The following POLR2F variants were observed in gnomAD, a reference collection of about 807,000 sequenced individuals.
POLR2F encodes the protein DNA-directed RNA polymerases I, II, and III subunit RPABC2.
POLR2F carries 12 observed loss-of-function variants against 22.7 expected under a neutral mutation model. That is an observed-to-expected ratio of 0.53 (90% CI 0.34 to 0.86). POLR2F has a LOEUF of 0.86. POLR2F is among the 40% of genes least tolerant of loss of function. The pLI, the probability that POLR2F is intolerant of heterozygous loss-of-function variation, is 0.02. For synonymous variants in POLR2F, 57 were observed against 66.0 expected (o/e 0.86, Z 0.66); for missense variants, 126 against 171.5 (o/e 0.73, Z 1.48).
At chr22:37,977,808 C>T (rs1340852366) in intron 4 of POLR2F, 4 of 1,549,702 alleles carry the variant, frequency 2.6e-6, no homozygotes, top group East Asian at 2.3e-5. Context: ...GCCATCCAGC[C>T]ATCTCCTGTC....
At chr22:38,031,010 A>T (rs1433627128), downstream of POLR2F, among the ~76,000 whole-genome samples, 3 of 151,936 alleles carry the variant, frequency 2.0e-5, no homozygotes, top group African/African-American at 7.3e-5. This position sits in a 1 kb window ranked among gnomAD's most constrained non-coding sequence, Gnocchi z 4.1. Flanking sequence ...GGCAAGAGGT[A>T]AGGAAGCAGG....
Position 38,008,748 on chromosome 22 carries a change from C to T in POLR2F, c.121-17121C>T, listed in dbSNP as rs1293291318. On this transcript the variant is annotated intron_variant, in intron 1 of 2. Coordinates refer to the POLR2F transcript ENST00000333418. ...AGGCTTGCGCCTGTAATCCCAGCTA[C>T]TAGGGAGGTTGAGGTGGGAGAATCG... is the stretch of plus-strand genomic sequence containing the variant. 2.6e-5 allele frequency among the ~76,000 whole-genome samples: 4 copies of T among 150,996 alleles called. No individual in the cohort carries two copies. The East Asian group carries it at 7.8e-4, about 29-fold the overall frequency.
chr22:37,995,658 G>T (rs2084705806), intron 1 of POLR2F, among the ~76,000 whole-genome samples: 1 of 152,096 alleles, frequency 6.6e-6, no homozygotes, highest in Admixed American at 6.6e-5. Flanking sequence ...TGAATGAGTG[G>T]TGAGGACAGA....
chr22:37,961,498 C>T (rs1931639824), intron 3 of POLR2F, among the ~76,000 whole-genome samples: 1 of 152,130 alleles, frequency 6.6e-6, no homozygotes, highest in South Asian at 2.1e-4. Flanking sequence ...GCAAACTTCC[C>T]TCCTCTCCCA....
chr22:37,978,113 G>T lies in POLR2F; in HGVS notation c.293+10943G>T. 1 of 1,580,280 alleles carries T rather than the reference G, an allele frequency of 6.3e-7. No homozygotes were observed. Among genetic ancestry groups the T allele is most frequent in the Non-Finnish European group, 8.6e-7 (1 of 1,162,058 alleles). ...CGCTCAGCCTCCTCGATGAAGGGGC[G>T]CTTGTCACTTTCGTTCAGCAGCCTG... is the stretch of plus-strand genomic sequence containing the variant. On this transcript the variant is annotated intron_variant, in intron 4 of 4. Transcript: ENST00000405557. This position sits in a 1 kb window ranked among gnomAD's most constrained non-coding sequence, Gnocchi z 5.0.
At chr22:38,006,450 C>T (rs1391254915) in intron 1 of POLR2F, among the ~76,000 whole-genome samples, 1 of 152,148 alleles carries the variant, frequency 6.6e-6, no homozygotes, top group Non-Finnish European at 1.5e-5. Flanking sequence ...GCTCACTCAG[C>T]AAATATTTAG....
chr22:37,996,794 C>T (rs1213714076), intron 1 of POLR2F, among the ~76,000 whole-genome samples: 1 of 152,226 alleles, frequency 6.6e-6, no homozygotes, highest in Non-Finnish European at 1.5e-5. Context: ...CCAAAGAACA[C>T]AAGCCCTTGG....
At position 37,978,139 on chromosome 22, in the gene POLR2F, G is replaced by A. The variant is rs1384930587; in HGVS notation, c.293+10969G>A. On this transcript the variant is annotated intron_variant, in intron 4 of 4. Transcript: ENST00000405557. This position sits in a 1 kb window ranked among gnomAD's most constrained non-coding sequence, Gnocchi z 5.0. ...CTTGTCACTTTCGTTCAGCAGCCTGGGGTGTGGTGGGAGGCGGAGAGGACA... is the reference window on the plus strand; with the variant it reads ...CTTGTCACTTTCGTTCAGCAGCCTGAGGTGTGGTGGGAGGCGGAGAGGACA... 2 of 1,554,748 alleles carry A rather than the reference G, an allele frequency of 1.3e-6. No individual in the cohort carries two copies. Among genetic ancestry groups the A allele is most frequent in the Middle Eastern group, 1.7e-4 (1 of 5,888 alleles).
intron 1 of POLR2F, among the ~76,000 whole-genome samples, chr22:38,007,024 G>A (rs766580205): frequency 1.1e-4 from 17 of 152,148 alleles, no homozygotes; most frequent in Non-Finnish European, 2.4e-4. Context: ...ACTGGTATGG[G>A]TACTCCATTT....
At chr22:38,007,563 C>T (rs895964215) in intron 1 of POLR2F, among the ~76,000 whole-genome samples, 2 of 152,200 alleles carry the variant, frequency 1.3e-5, no homozygotes, top group African/African-American at 4.8e-5. Context: ...CTCCAAGACC[C>T]GCTTTCACGT....
intron 1 of POLR2F, among the ~76,000 whole-genome samples, chr22:37,989,260 G>A (rs977264418): frequency 6.6e-6 from 1 of 152,146 alleles, no homozygotes; most frequent in African/African-American, 2.4e-5. Flanking sequence ...AGTGATGAGA[G>A]AATTAAATAA....
chr22:37,967,584 T>G, intron 4 of POLR2F, 41 bp from the exon 5 acceptor site: 3 of 1,607,436 alleles, frequency 1.9e-6, no homozygotes, highest in Non-Finnish European at 2.5e-6. Context: ...AGAGCTGGGG[T>G]CACCAGCCCT....
chr22:38,033,185 T>G (rs2085082582), intron 5 of POLR2F: 1 of 151,216 alleles, frequency 6.6e-6, no homozygotes, highest in Admixed American at 6.6e-5. Context: ...AAAAAGAAAA[T>G]TAAAAAAAAA....
At chr22:37,960,206 T>G (rs988344105) in intron 3 of POLR2F, among the ~76,000 whole-genome samples, 2 of 151,474 alleles carry the variant, frequency 1.3e-5, no homozygotes, top group South Asian at 4.2e-4. Flanking sequence ...CTCAAACTCC[T>G]GGGCTCAAGC....
chr22:37,954,515 C>G (rs1425795222), intron 1 of POLR2F, among the ~76,000 whole-genome samples: 1 of 152,150 alleles, frequency 6.6e-6, no homozygotes, highest in African/African-American at 2.4e-5. Context: ...GTTGGCCAGA[C>G]TGGCCTCGAA....
rs1039337452 is a variant in POLR2F, at chr22:37,980,220, G to A, written c.293+13050G>A. On this transcript the variant is annotated intron_variant, in intron 4 of 4. Coordinates refer to the POLR2F transcript ENST00000405557. This position sits in a 1 kb window ranked among gnomAD's most constrained non-coding sequence, Gnocchi z 4.1. The stretch of plus-strand genomic sequence containing the variant: ...CTCTGACGGCTGGGACCAGGGGAGG[G>A]GGTGGAGCAGGCCTTGAGGGTGTGA... 2.0e-5 allele frequency among the ~76,000 whole-genome samples: 3 copies of A among 152,112 alleles called. No homozygotes were observed. Among genetic ancestry groups the A allele is most frequent in the Admixed American group, 6.5e-5 (1 of 15,276 alleles).
At chr22:38,012,582 T>C (rs1298681931) in intron 1 of POLR2F, among the ~76,000 whole-genome samples, 1 of 152,162 alleles carries the variant, frequency 6.6e-6, no homozygotes, top group East Asian at 1.9e-4. Context: ...AGTTTTCCCA[T>C]TAATGTCGTT....
At chr22:38,026,666 G>T in exon 3 of POLR2F, 1 of 254,340 alleles carries the variant, frequency 3.9e-6, no homozygotes, top group Non-Finnish European at 7.9e-6. Context: ...TACATTTTTG[G>T]GCTAATTTGC....
At chr22:37,995,600 G>T (rs927429977) in intron 1 of POLR2F, among the ~76,000 whole-genome samples, 1 of 152,154 alleles carries the variant, frequency 6.6e-6, no homozygotes, top group African/African-American at 2.4e-5. Context: ...TCTACTTCAT[G>T]AGGGCAGCTT....
Sources: allele counts gnomAD v4.1 joint callset (sites outside exome capture counted in the v4.1 genomes callset), GRCh38; gene constraint gnomAD v4.1.1; non-coding constraint Gnocchi (gnomAD v3.1); transcripts MANE v1.5; gene names NCBI Gene and HGNC (gene_info 2026-07-23, HGNC 2026-07-21).